The following AHNAK variants were observed in gnomAD, a reference collection of about 807,000 sequenced individuals.
AHNAK encodes the protein neuroblast differentiation-associated protein AHNAK.
In AHNAK, 23 loss-of-function variants were observed where a neutral mutation model predicts 37.8. That is an observed-to-expected ratio of 0.61 (90% CI 0.44 to 0.86). AHNAK has a LOEUF of 0.86. Among genes scored for constraint, AHNAK ranks in the 40% least tolerant of loss-of-function variants. The pLI is 0.00. For synonymous variants in AHNAK, 2,481 were observed against 2,636.3 expected (o/e 0.94, Z 1.80); for missense variants, 7,411 against 7,319.4 (o/e 1.01, Z -0.46).
intron 5 of AHNAK, among the ~76,000 whole-genome samples, chr11:62,438,422 C>T (rs1229114378): frequency 6.6e-6 from 1 of 152,060 alleles, no homozygotes; most frequent in East Asian, 1.9e-4. Flanking sequence ...ACAGGTGATC[C>T]ACCTGCCTCG....
chr11:62,529,039 G>A lies in AHNAK; in HGVS notation c.5378C>T (p.Pro1793Leu), dbSNP rs752463699. Residue 1793 changes from proline to leucine, a missense_variant, in exon 5 of 5, where the codon CCC becomes CTC. By Grantham distance (98) the Pro-to-Leu change is moderately conservative. Coordinates refer to ENST00000378024, the MANE Select transcript of AHNAK (RefSeq NM_001620.3). ...AGCATCTATCTCTCCCTTCAGTTTG[G>A]GTCCCTTCAAATTCAAGTCCACATC... is the stretch of plus-strand genomic sequence containing the variant. ...MPDVDLNLKGPKLKGEIDASV... is the reference protein window; with the variant it reads ...MPDVDLNLKGLKLKGEIDASV... 5.6e-6 allele frequency: 9 copies of A among 1,614,088 alleles called. 1 individual carries two copies. Among genetic ancestry groups the A allele is most frequent in the Non-Finnish European group, 4.2e-6 (5 of 1,180,022 alleles).
At chr11:62,438,613 C>A (rs1938232262) in intron 5 of AHNAK, among the ~76,000 whole-genome samples, 1 of 151,964 alleles carries the variant, frequency 6.6e-6, no homozygotes, top group Non-Finnish European at 1.5e-5. Flanking sequence ...CTGAGGCTTG[C>A]CTTTTCATTT....
rs566830952 is a variant in AHNAK at position 62,523,490 on chromosome 11, G to A, written c.10927C>T (p.Pro3643Ser). 6.2e-7 allele frequency: 1 copy of A among 1,613,872 alleles called. No individual in the cohort carries two copies. Among genetic ancestry groups the A allele is most frequent in the Non-Finnish European group, 8.5e-7 (1 of 1,179,982 alleles). Residue 3643 changes from proline (P) to serine (S), a missense_variant, in exon 5 of 5, where the codon CCA becomes TCA. Transcript: ENST00000378024. ...TCTGGACCTTCAATATTCACGTCTG[G>A]AACATCAACGTCTACATTGGGACCA... ...ISGPNVDVDV[P>S]DVNIEGPDAK...
At chr11:62,461,312 AT>A (rs1283205950) in intron 5 of AHNAK, among the ~76,000 whole-genome samples, 4 of 149,600 alleles carry the variant, frequency 2.7e-5, no homozygotes, top group African/African-American at 9.8e-5. Flanking sequence ...CACCCAGCTA[AT>A]TTTTGTATTT....
intron 4 of AHNAK, among the ~76,000 whole-genome samples, chr11:62,506,326 C>T (rs1939811720): frequency 6.6e-6 from 1 of 151,964 alleles, no homozygotes; most frequent in Non-Finnish European, 1.5e-5. Context: ...TTTGTGGGGT[C>T]GGGGGAGCTG....
At chr11:62,477,137 G>A (rs111235871) in intron 5 of AHNAK, among the ~76,000 whole-genome samples, 44 of 152,202 alleles carry the variant, frequency 2.9e-4, no homozygotes, top group Non-Finnish European at 4.4e-5. Context: ...CAGGGAAAAC[G>A]CTTCCACAAC....
At chr11:62,458,210 A>G (rs1009914991) in intron 5 of AHNAK, among the ~76,000 whole-genome samples, 2 of 152,106 alleles carry the variant, frequency 1.3e-5, no homozygotes, top group Non-Finnish European at 2.9e-5. Flanking sequence ...GAGCCACTGC[A>G]CTGGGCCTGA....
chr11:62,459,570 T>A (rs1156645312), intron 5 of AHNAK, among the ~76,000 whole-genome samples: 1 of 152,004 alleles, frequency 6.6e-6, no homozygotes, highest in Non-Finnish European at 1.5e-5. Flanking sequence ...AATGCCCCTC[T>A]CCTGACCTCC....
At position 62,518,223 on chromosome 11, in the gene AHNAK, T is replaced by C. The variant is rs1940097950; in HGVS notation, c.16194A>G (p.Glu5398=). 8 of 1,614,184 alleles carry C rather than the reference T, an allele frequency of 5.0e-6. No individual in the cohort carries two copies. The highest frequency in any genetic ancestry group is 6.8e-6 in the Non-Finnish European group (8 of 1,180,032). The change falls in exon 5 of 5, where the codon GAA becomes GAG. Residue 5398 remains glutamate, a synonymous_variant. Transcript: ENST00000378024. Reference sequence around the variant, plus strand: ...TCATTTTGGGAAGTTTAATGCTGCCTTCGGATGCCTCCAAGCTTAGATCAG... The same window carrying C: ...TCATTTTGGGAAGTTTAATGCTGCCCTCGGATGCCTCCAAGCTTAGATCAG... ...GAPDLSLEAS[E]GSIKLPKMKL... is the part of the protein sequence containing the mutation.
chr11:62,487,395 G>A (rs550706116), intron 5 of AHNAK, among the ~76,000 whole-genome samples: 1 of 152,350 alleles, frequency 6.6e-6, no homozygotes, highest in African/African-American at 2.4e-5. Context: ...AGGGTATGTG[G>A]CGTAAGGCAG....
At position 62,516,305 on chromosome 11, in the gene AHNAK, C is replaced by G. The variant is rs1590643862; in HGVS notation, c.*439G>C. On this transcript the variant is annotated 3_prime_UTR_variant, in exon 5 of 5. Coordinates refer to ENST00000378024, the MANE Select transcript of AHNAK (RefSeq NM_001620.3). The stretch of plus-strand genomic sequence containing the variant: ...ATCCAGTCTCAGGAAAGAGGAAGAC[C>G]TGACCTCCGTCTGCAACCCATCACC... The G allele has an allele frequency of 7.8e-7, 1 of 1,289,444 alleles. No individual in the cohort carries two copies. Among genetic ancestry groups the G allele is most frequent in the African/African-American group, 1.5e-5 (1 of 65,948 alleles). 79.9% of individuals were successfully genotyped at this position (1,289,444 alleles called of 1,614,324 possible). A position where few individuals can be genotyped will look rare whatever the true frequency, so the allele number is the denominator to read the frequency against.
rs754138315 is a variant in AHNAK at position 62,519,594 on chromosome 11, T to C, written c.14823A>G (p.Glu4941=). 1 of 1,613,666 alleles carries C rather than the reference T, an allele frequency of 6.2e-7. No homozygotes were observed. The highest frequency in any genetic ancestry group is 1.7e-5 in the Admixed American group (1 of 59,914). Residue 4941 remains glutamate, a synonymous_variant, in exon 5 of 5, where the codon GAA becomes GAG. Transcript: ENST00000378024. ...CAACTTTGGGTCCCTTGAGGTCCAC[T>C]TCACCACCTTCTAACTTCGGACCTG... ...GFSGPKLEGG[E]VDLKGPKVEA...
intron 4 of AHNAK, among the ~76,000 whole-genome samples, chr11:62,499,495 G>C (rs1454988711): frequency 2.6e-5 from 4 of 152,172 alleles, no homozygotes; most frequent in Non-Finnish European, 5.9e-5. Flanking sequence ...AGGTTGTAGT[G>C]AGCCAAGATC....
Position 62,521,741 on chromosome 11 carries a change from T to C in AHNAK, c.12676A>G (p.Ile4226Val), listed in dbSNP as rs374783736. Residue 4226 changes from isoleucine (I) to valine (V), a missense_variant, in exon 5 of 5, where the codon ATT becomes GTT. Ile to Val is a conservative substitution (Grantham distance 29). Transcript: ENST00000378024. ...TCGATATTCACATCAGGAACATCAA[T>C]GTCCACCTTGGGTCCTGAGACGTCA... ...DLDVSGPKVD[I>V]DVPDVNIEGP... 21 of 1,613,244 alleles carry C rather than the reference T, an allele frequency of 1.3e-5. No homozygotes were observed. The highest frequency in any genetic ancestry group is 1.6e-5 in the Non-Finnish European group (19 of 1,179,814).
chr11:62,467,396 C>T (rs916544611), intron 5 of AHNAK, among the ~76,000 whole-genome samples: 8 of 152,038 alleles, frequency 5.3e-5, no homozygotes, highest in Non-Finnish European at 1.0e-4. Flanking sequence ...CCAAAAATCC[C>T]TCTTGAGGCT....
chr11:62,475,027 G>T (rs1939114126), intron 5 of AHNAK, among the ~76,000 whole-genome samples: 1 of 152,218 alleles, frequency 6.6e-6, no homozygotes, highest in East Asian at 1.9e-4. Context: ...CCTGGGCCGG[G>T]CACGGTGGCT....
chr11:62,528,077 C>G lies in AHNAK; in HGVS notation c.6340G>C (p.Ala2114Pro). 1 of 1,600,190 alleles carries G rather than the reference C, an allele frequency of 6.2e-7. No individual in the cohort carries two copies. Among genetic ancestry groups the G allele is most frequent in the Non-Finnish European group, 8.5e-7 (1 of 1,174,326 alleles). ...ACATCAGGCATGGAGATCTTGGGGG[C>G]CTTGAAGTGCATCTCAGGCATCTTA... ...KLKMPEMHFK[A>P]PKISMPDVDL... Residue 2114 changes from alanine (A) to proline (P), a missense_variant, in exon 5 of 5, where the codon GCC (alanine) becomes CCC (proline). Ala to Pro is a conservative substitution (Grantham distance 27). Transcript: ENST00000378024.
At chr11:62,498,736 C>T (rs1939659641) in intron 4 of AHNAK, among the ~76,000 whole-genome samples, 1 of 151,764 alleles carries the variant, frequency 6.6e-6, no homozygotes, top group Admixed American at 6.6e-5. Context: ...GTGATCATGC[C>T]AGTGCACTCC....
chr11:62,466,202 C>G (rs1253998160), intron 5 of AHNAK, among the ~76,000 whole-genome samples: 2 of 152,098 alleles, frequency 1.3e-5, no homozygotes, highest in African/African-American at 4.8e-5. Flanking sequence ...CACCTGTAGT[C>G]CCAGCTAGTC....
Sources: allele counts gnomAD v4.1 joint callset (sites outside exome capture counted in the v4.1 genomes callset), GRCh38; gene constraint gnomAD v4.1.1; transcripts MANE v1.5; gene names NCBI Gene and HGNC (gene_info 2026-07-23, HGNC 2026-07-21).